MTHFD1L: variants seen among roughly 807,000 people sequenced by gnomAD.
MTHFD1L encodes the protein methylenetetrahydrofolate dehydrogenase (NADP+ dependent) 1 like.
MTHFD1L carries 81 observed loss-of-function variants against 119.5 expected under a neutral mutation model. The ratio of observed to expected loss-of-function variants is 0.68; its 90% CI spans 0.57 to 0.82. MTHFD1L has a LOEUF of 0.82. Ranked by LOEUF, MTHFD1L falls within the 40% of genes least tolerant of loss-of-function variation. The pLI is 0.00. For synonymous variants in MTHFD1L, 430 were observed against 475.2 expected, an observed-to-expected ratio of 0.90 and a Z score of 1.24; for missense variants, 1,125 against 1,253.4, an observed-to-expected ratio of 0.90 and a Z score of 1.55.
intron 1 of MTHFD1L, among the ~76,000 whole-genome samples, chr6:150,874,720 C>T (rs1206272430): frequency 1.3e-5 from 2 of 151,968 alleles, no homozygotes; most frequent in African/African-American, 2.4e-5. Flanking sequence ...GTAGCCTCTG[C>T]AGTCACTCAT....
chr6:150,977,775 C>G (rs576035484), intron 20 of MTHFD1L, among the ~76,000 whole-genome samples: 1 of 152,228 alleles, frequency 6.6e-6, no homozygotes, highest in Non-Finnish European at 1.5e-5. Context: ...AATTGTGTAT[C>G]CTTATAGGCA....
intron 11 of MTHFD1L, chr6:150,934,944 T>C (rs1363885889): frequency 1.3e-6 from 2 of 1,520,996 alleles, no homozygotes; most frequent in African/African-American, 2.8e-5. Flanking sequence ...CATTTCAATT[T>C]GGGACATTTA....
At chr6:151,003,928 G>A (rs890537367) in intron 20 of MTHFD1L, among the ~76,000 whole-genome samples, 12 of 150,170 alleles carry the variant, frequency 8.0e-5, no homozygotes, top group Admixed American at 2.7e-4. Flanking sequence ...TGTCCATACA[G>A]TTCCCACATA....
At chr6:150,967,458 T>A (rs1236957125) in intron 19 of MTHFD1L, among the ~76,000 whole-genome samples, 1 of 152,134 alleles carries the variant, frequency 6.6e-6, no homozygotes, top group African/African-American at 2.4e-5. Flanking sequence ...ACTCCCAAAC[T>A]CTTGTTTGGA....
intron 26 of MTHFD1L, among the ~76,000 whole-genome samples, chr6:151,090,460 G>T (rs192532985): frequency 3.3e-5 from 5 of 152,320 alleles, no homozygotes; most frequent in Admixed American, 2.0e-4. Flanking sequence ...CTGAAATTCC[G>T]AATATCTAAC....
intron 16 of MTHFD1L, among the ~76,000 whole-genome samples, chr6:150,951,803 T>C (rs939041993): frequency 2.6e-5 from 4 of 152,290 alleles, no homozygotes; most frequent in South Asian, 2.1e-4. Context: ...TTTTTTTTTT[T>C]CAAAGCATTT....
rs572088280 is a variant in MTHFD1L, at chr6:150,975,696, ACCCTTGTCTTGCACTTGGGCTCGC to A, written c.2125+3641_2125+3664del. ...GAAGGTGGCTGCTTGCTTCTCTGCC[ACCCTTGTCTTGCACTTGGGCTCGC>A]CCTGGCCCCTCCTAGGTTGAAGCTT... On this transcript the variant is annotated intron_variant, in intron 20 of 27. Coordinates refer to ENST00000367321, the MANE Select transcript of MTHFD1L (RefSeq NM_015440.5). 2.5e-3 allele frequency among the ~76,000 whole-genome samples: 384 copies of A among 152,208 alleles called. 1 individual carries two copies. Among genetic ancestry groups the A allele is most frequent in the African/African-American group, 8.9e-3 (370 of 41,532 alleles).
At chr6:150,924,505 C>T (rs1214522202) in intron 10 of MTHFD1L, among the ~76,000 whole-genome samples, 3 of 151,828 alleles carry the variant, frequency 2.0e-5, no homozygotes, top group Admixed American at 6.6e-5. Context: ...TTGAGACAGT[C>T]TTATTCTGTT....
At chr6:150,955,269 T>C (rs1278352019) in intron 16 of MTHFD1L, among the ~76,000 whole-genome samples, 1 of 152,212 alleles carries the variant, frequency 6.6e-6, no homozygotes, top group Non-Finnish European at 1.5e-5. Context: ...TATTTCACTA[T>C]GCACCATGTT....
chr6:150,913,900 G>C (rs1329572512), intron 8 of MTHFD1L, among the ~76,000 whole-genome samples: 4 of 152,166 alleles, frequency 2.6e-5, no homozygotes, highest in Non-Finnish European at 5.9e-5. Flanking sequence ...GGAGGCCAAG[G>C]CTGGTGGATC....
chr6:150,990,457 T>A (rs1723774529), intron 20 of MTHFD1L, among the ~76,000 whole-genome samples: 1 of 152,156 alleles, frequency 6.6e-6, no homozygotes, highest in South Asian at 2.1e-4. Flanking sequence ...TTTTATTTTT[T>A]TCTTTTCTTT....
chr6:150,917,255 G>A (rs959840578), intron 8 of MTHFD1L, among the ~76,000 whole-genome samples: 1 of 152,034 alleles, frequency 6.6e-6, no homozygotes, highest in Non-Finnish European at 1.5e-5. Context: ...CAGGCATGGT[G>A]GCTCGCACCT....
chr6:151,026,914 C>T (rs980082902), intron 24 of MTHFD1L, among the ~76,000 whole-genome samples: 3 of 137,274 alleles, frequency 2.2e-5, no homozygotes, highest in African/African-American at 8.0e-5. Context: ...CTGCAGTCTC[C>T]ACCTCCCGGG....
chr6:150,957,877 T>C (rs1795868289), intron 17 of MTHFD1L, among the ~76,000 whole-genome samples: 1 of 152,182 alleles, frequency 6.6e-6, no homozygotes, highest in African/African-American at 2.4e-5. Context: ...GAATGAAAAG[T>C]AGAAAGATGT....
intron 4 of MTHFD1L, 92 bp downstream of exon 4, chr6:150,877,918 T>G: frequency 6.8e-7 from 1 of 1,471,386 alleles, no homozygotes; most frequent in Non-Finnish European, 9.5e-7. Context: ...CTGGGACAGA[T>G]CTAAGATTTG....
chr6:151,037,224 G>A (rs1786317661), intron 26 of MTHFD1L, 107 bp downstream of exon 26: 1 of 1,214,872 alleles, frequency 8.2e-7, no homozygotes, highest in East Asian at 2.3e-5. Flanking sequence ...AGGGAAAATT[G>A]GGAGTAATTA....
At chr6:150,914,501 A>G (rs1374758128) in intron 8 of MTHFD1L, among the ~76,000 whole-genome samples, 3 of 151,830 alleles carry the variant, frequency 2.0e-5, no homozygotes, top group African/African-American at 7.3e-5. Context: ...CTATAAAACA[A>G]CTTAACAATG....
intron 20 of MTHFD1L, among the ~76,000 whole-genome samples, chr6:150,992,762 A>T (rs1181818056): frequency 1.3e-5 from 2 of 152,304 alleles, no homozygotes; most frequent in African/African-American, 4.8e-5. Context: ...AAATTCCTGC[A>T]TTTCCCTTGG....
At chr6:150,873,067 A>G (rs1181781119) in intron 1 of MTHFD1L, among the ~76,000 whole-genome samples, 1 of 152,098 alleles carries the variant, frequency 6.6e-6, no homozygotes, top group Non-Finnish European at 1.5e-5. Context: ...CTGTAATTCC[A>G]GCACTTTGGG....
Sources: gnomAD v4.1 joint callset for allele counts (sites outside exome capture counted in the v4.1 genomes callset) on GRCh38, gnomAD v4.1.1 for gene constraint, MANE v1.5 for transcripts, NCBI Gene and HGNC (gene_info 2026-07-23, HGNC 2026-07-21) for gene names.